Variants in FSAF1 observed in about 807,000 individuals in gnomAD.
FSAF1 encodes the protein uncharacterized protein C1orf131.
the FSAF1 span, among the ~76,000 whole-genome samples, chr1:231,234,585 C>T: frequency 6.6e-6 from 1 of 152,272 alleles, no homozygotes; most frequent in East Asian, 1.9e-4. This position sits in a 1 kb window ranked among gnomAD's most constrained non-coding sequence, Gnocchi z 4.0. Flanking sequence ...CCCTTATAAT[C>T]GATTCACCAC....
At chr1:231,235,326 A>G in the FSAF1 span, among the ~76,000 whole-genome samples, 115 of 152,226 alleles carry the variant, frequency 7.6e-4, no homozygotes, top group East Asian at 0.02. Context: ...GTGAAACCCC[A>G]TCTCTACTAA....
chr1:231,228,317 G>A, the FSAF1 span, among the ~76,000 whole-genome samples: 44 of 152,280 alleles, frequency 2.9e-4, no homozygotes, highest in Non-Finnish European at 5.1e-4. Context: ...AGTGAGTGCA[G>A]ACCAGGCGTG....
At chr1:231,236,840 C>T in the FSAF1 span, 1 of 152,228 alleles carries the variant, frequency 6.6e-6, no homozygotes, top group East Asian at 1.9e-4. Flanking sequence ...GGGAGATGGC[C>T]AGCTTCGGGG....
chr1:231,225,732 T>C, the FSAF1 span: 11 of 575,564 alleles, frequency 1.9e-5, no homozygotes, highest in East Asian at 3.3e-4. Context: ...CTCATGCCTA[T>C]AGTCCTAGCA....
the FSAF1 span, chr1:231,224,388 C>T: frequency 1.9e-6 from 3 of 1,610,140 alleles, no homozygotes. Context: ...TGACAAAATA[C>T]TGGGAGCGGA....
the FSAF1 span, chr1:231,224,086 G>T: frequency 1.8e-6 from 1 of 555,534 alleles, no homozygotes; most frequent in Non-Finnish European, 2.9e-6. Context: ...GCTGCACTGG[G>T]CCTGACACGT....
At chr1:231,225,550 C>G in the FSAF1 span, 1 of 1,591,272 alleles carries the variant, frequency 6.3e-7, no homozygotes, top group Admixed American at 1.7e-5. Context: ...AGATCATATA[C>G]ATATTAGTAG....
the FSAF1 span, among the ~76,000 whole-genome samples, chr1:231,229,717 T>A: frequency 2.6e-5 from 4 of 152,316 alleles, no homozygotes; most frequent in East Asian, 7.7e-4. Context: ...GAAGACATGA[T>A]GCTAAGTGAA....
chr1:231,239,371 G>A, the FSAF1 span, among the ~76,000 whole-genome samples: 5 of 152,190 alleles, frequency 3.3e-5, no homozygotes, highest in Non-Finnish European at 7.3e-5. Context: ...AATCCAAAAT[G>A]TAGTCATCTT....
the FSAF1 span, chr1:231,239,262 G>A: frequency 4.6e-6 from 6 of 1,308,238 alleles, no homozygotes; most frequent in Non-Finnish European, 4.1e-6. Context: ...TCCTACGAAT[G>A]TATTTGTACA....
the FSAF1 span, chr1:231,229,247 A>G: frequency 5.1e-6 from 7 of 1,361,832 alleles, no homozygotes; most frequent in South Asian, 2.6e-5. Context: ...ATCTGTTACT[A>G]TATCATTATA....
At chr1:231,231,048 C>T in the FSAF1 span, among the ~76,000 whole-genome samples, 7 of 152,194 alleles carry the variant, frequency 4.6e-5, no homozygotes, top group African/African-American at 1.4e-4. Flanking sequence ...AGGGTCCAGG[C>T]GTATGGCCTA....
the FSAF1 span, among the ~76,000 whole-genome samples, chr1:231,233,022 A>T: frequency 6.6e-6 from 1 of 152,204 alleles, no homozygotes; most frequent in South Asian, 2.1e-4. Flanking sequence ...TCTGACACTG[A>T]TCTACTCAGG....
the FSAF1 span, chr1:231,236,766 C>G: frequency 6.6e-6 from 1 of 152,108 alleles, no homozygotes; most frequent in Non-Finnish European, 1.5e-5. Context: ...CAGTGCTCAC[C>G]AACATTTTTC....
At chr1:231,224,534 C>T in the FSAF1 span, 1 of 950,038 alleles carries the variant, frequency 1.1e-6, no homozygotes, top group Non-Finnish European at 1.5e-6. Context: ...GCCATGCACA[C>T]CCCCCACCCC....
At chr1:231,224,593 G>A in the FSAF1 span, 1 of 584,784 alleles carries the variant, frequency 1.7e-6, no homozygotes, top group Non-Finnish European at 2.9e-6. Context: ...TCCTGCCTCA[G>A]GGCCCTTGCA....
the FSAF1 span, chr1:231,224,540 A>C: frequency 4.6e-6 from 4 of 871,266 alleles, no homozygotes; most frequent in Admixed American, 3.0e-5. Context: ...CACACCCCCC[A>C]CCCCATACGC....
the FSAF1 span, chr1:231,241,010 G>T: frequency 6.2e-7 from 1 of 1,608,558 alleles, no homozygotes; most frequent in East Asian, 2.2e-5. Context: ...GGGCTCCTGG[G>T]ACCCCGCACT....
At chr1:231,225,530 TCA>T in the FSAF1 span, 1 of 1,611,832 alleles carries the variant, frequency 6.2e-7, no homozygotes, top group Non-Finnish European at 8.5e-7. Context: ...GGGCCTGATT[TCA>T]GAATTTAAGA....
Sources: allele counts gnomAD v4.1 joint callset (sites outside exome capture counted in the v4.1 genomes callset), GRCh38; gene constraint gnomAD v4.1.1; non-coding constraint Gnocchi (gnomAD v3.1); transcripts MANE v1.5; gene names NCBI Gene and HGNC (gene_info 2026-07-23, HGNC 2026-07-21).